The following AK5 variants were observed in gnomAD, a reference collection of about 807,000 sequenced individuals.
AK5 encodes the protein adenylate kinase 5.
Under a neutral mutation model 69.5 loss-of-function variants are expected in AK5, and 27 were observed. That is an observed-to-expected ratio of 0.39 (90% CI 0.29 to 0.54). The LOEUF (loss-of-function observed/expected upper bound fraction) is 0.54. Ranked by LOEUF, AK5 falls within the 20% of genes least tolerant of loss-of-function variation. AK5 has a pLI of 0.71. For synonymous variants in AK5, 260 were observed against 244.4 expected (o/e 1.06, Z -0.60); for missense variants, 531 against 700.4 (o/e 0.76, Z 2.73).
At chr1:77,407,412 C>T (rs192530868) in intron 6 of AK5, among the ~76,000 whole-genome samples, 4 of 151,984 alleles carry the variant, frequency 2.6e-5, no homozygotes, top group Non-Finnish European at 4.4e-5. Context: ...TAGTTGCATA[C>T]GGTATTATTC....
intron 13 of AK5, among the ~76,000 whole-genome samples, chr1:77,554,890 A>C (rs529776986): frequency 6.6e-6 from 1 of 150,746 alleles, no homozygotes; most frequent in East Asian, 2.0e-4. Flanking sequence ...TGCTGGGATT[A>C]CAGGCGTGAG....
intron 5 of AK5, among the ~76,000 whole-genome samples, chr1:77,338,699 G>A (rs780857253): frequency 6.6e-6 from 1 of 152,154 alleles, no homozygotes; most frequent in Non-Finnish European, 1.5e-5. Context: ...AGGAACAAAT[G>A]TGAGCAGAGG....
intron 6 of AK5, among the ~76,000 whole-genome samples, chr1:77,366,109 T>C (rs1320696303): frequency 6.6e-6 from 1 of 152,172 alleles, no homozygotes; most frequent in Non-Finnish European, 1.5e-5. Flanking sequence ...ATAATAATTA[T>C]AGCTACTATT....
chr1:77,428,112 TA>T (rs2100604513), intron 8 of AK5, among the ~76,000 whole-genome samples: 1 of 152,346 alleles, frequency 6.6e-6, no homozygotes, highest in Admixed American at 6.5e-5. Context: ...AGTGGCTTTT[TA>T]GATATAGCAC....
chr1:77,552,798 G>T (rs989733557), intron 13 of AK5, among the ~76,000 whole-genome samples: 4 of 152,208 alleles, frequency 2.6e-5, no homozygotes, highest in African/African-American at 9.6e-5. Flanking sequence ...AGCACTTTGG[G>T]AGGCTGAGGT....
chr1:77,411,399 G>C (rs1296514219), intron 7 of AK5, among the ~76,000 whole-genome samples: 1 of 151,820 alleles, frequency 6.6e-6, no homozygotes, highest in Non-Finnish European at 1.5e-5. Context: ...ATATCTCCAG[G>C]ACCCCCTAAC....
chr1:77,320,271 T>C (rs1660459785), intron 5 of AK5, among the ~76,000 whole-genome samples: 1 of 152,038 alleles, frequency 6.6e-6, no homozygotes. Context: ...CGTGGAGATT[T>C]TGGGAACTAC....
chr1:77,548,530 C>T (rs1312996369), intron 13 of AK5, among the ~76,000 whole-genome samples: 2 of 152,200 alleles, frequency 1.3e-5, no homozygotes, highest in African/African-American at 2.4e-5. Flanking sequence ...TGCTGGCACA[C>T]AGACCGTGAT....
intron 7 of AK5, among the ~76,000 whole-genome samples, chr1:77,414,337 G>T (rs1364821796): frequency 6.6e-6 from 1 of 152,196 alleles, no homozygotes; most frequent in African/African-American, 2.4e-5. Flanking sequence ...AAGGGTTGGA[G>T]GAGTTTTATT....
At chr1:77,365,684 G>T (rs1300862827) in intron 6 of AK5, among the ~76,000 whole-genome samples, 1 of 152,188 alleles carries the variant, frequency 6.6e-6, no homozygotes, top group Admixed American at 6.5e-5. Context: ...TAATGGCACT[G>T]CTGATCTGAC....
chr1:77,491,033 G>A (rs1655956480), intron 10 of AK5, among the ~76,000 whole-genome samples: 1 of 152,110 alleles, frequency 6.6e-6, no homozygotes, highest in South Asian at 2.1e-4. Context: ...AGCTTTCAAT[G>A]TGTCTGGGAC....
At chr1:77,477,826 G>C (rs1655038991) in intron 8 of AK5, among the ~76,000 whole-genome samples, 1 of 152,024 alleles carries the variant, frequency 6.6e-6, no homozygotes, top group African/African-American at 2.4e-5. Flanking sequence ...TACACATTTT[G>C]CTACCATGAA....
intron 13 of AK5, among the ~76,000 whole-genome samples, chr1:77,554,818 A>G (rs895934911): frequency 9.5e-5 from 13 of 136,978 alleles, no homozygotes; most frequent in Middle Eastern, 4.0e-3. Context: ...GGGTTTCGCC[A>G]TGTTAGCCGG....
chr1:77,331,962 G>A (rs1351541964), intron 5 of AK5, among the ~76,000 whole-genome samples: 2 of 152,182 alleles, frequency 1.3e-5, no homozygotes, highest in East Asian at 1.9e-4. Flanking sequence ...TTTTGAGACA[G>A]GGTCTCATTC....
chr1:77,324,162 A>T (rs1660669922), intron 5 of AK5, among the ~76,000 whole-genome samples: 1 of 152,192 alleles, frequency 6.6e-6, no homozygotes, highest in Admixed American at 6.5e-5. Context: ...TAGGGTGAAG[A>T]TTAGCCTGCT....
intron 13 of AK5, among the ~76,000 whole-genome samples, chr1:77,545,631 T>C (rs1009161855): frequency 6.6e-6 from 1 of 152,210 alleles, no homozygotes; most frequent in Middle Eastern, 3.2e-3. Context: ...TCTACTCCCC[T>C]GGCTCTCCAT....
chr1:77,373,732 G>GA (rs71075739), intron 6 of AK5, among the ~76,000 whole-genome samples: 76 of 143,706 alleles, frequency 5.3e-4, no homozygotes, highest in African/African-American at 1.2e-3. Flanking sequence ...TCTCAAAAAA[G>GA]AAAAAAAAAA....
intron 10 of AK5, among the ~76,000 whole-genome samples, chr1:77,490,326 G>T (rs1460644557): frequency 1.3e-5 from 2 of 152,164 alleles, no homozygotes; most frequent in Non-Finnish European, 2.9e-5. Context: ...TTGCTCATTT[G>T]CAGGGCAGTA....
chr1:77,509,358 G>A (rs1336713499), intron 10 of AK5, among the ~76,000 whole-genome samples: 1 of 152,188 alleles, frequency 6.6e-6, no homozygotes, highest in Non-Finnish European at 1.5e-5. Context: ...TGAGGATAAA[G>A]ATCTATTTAT....
Sources: gnomAD v4.1 joint callset for allele counts (sites outside exome capture counted in the v4.1 genomes callset) on GRCh38, gnomAD v4.1.1 for gene constraint, MANE v1.5 for transcripts, NCBI Gene and HGNC (gene_info 2026-07-23, HGNC 2026-07-21) for gene names.